The following LEKR1 variants were observed in gnomAD, a reference collection of about 807,000 sequenced individuals.
The protein encoded by LEKR1 is leucine, glutamate and lysine rich 1.
A neutral mutation model predicts 72.4 loss-of-function variants in LEKR1; 59 were observed. That is an observed-to-expected ratio of 0.82 (90% CI 0.66 to 1.01). The LOEUF (loss-of-function observed/expected upper bound fraction) is 1.01, where lower values mean the gene tolerates loss of function less well. LEKR1 is among the 50% of genes least tolerant of loss of function. The pLI, the probability that LEKR1 is intolerant of heterozygous loss-of-function variation, is 0.00. For synonymous variants in LEKR1, 257 were observed against 263.2 expected, an observed-to-expected ratio of 0.98 and a Z score of 0.23; for missense variants, 728 against 759.2, an observed-to-expected ratio of 0.96 and a Z score of 0.48.
intron 5 of LEKR1, among the ~76,000 whole-genome samples, chr3:156,935,170 T>C (rs1725582263): frequency 6.6e-6 from 1 of 152,202 alleles, no homozygotes; most frequent in Non-Finnish European, 1.5e-5. Context: ...TTTACCATTA[T>C]AGTATATCAC....
At chr3:156,849,076 A>G (rs930875151) in intron 2 of LEKR1, among the ~76,000 whole-genome samples, 1 of 152,136 alleles carries the variant, frequency 6.6e-6, no homozygotes, top group East Asian at 1.9e-4. Context: ...ATACAAAATC[A>G]ATGTGCAAAA....
At chr3:157,031,171 A>G (rs899858561) in intron 12 of LEKR1, among the ~76,000 whole-genome samples, 6 of 152,116 alleles carry the variant, frequency 3.9e-5, no homozygotes, top group African/African-American at 1.2e-4. Flanking sequence ...ACTAAAAGTG[A>G]AGAGTGGATT....
At chr3:156,947,024 A>G (rs552721558) in intron 6 of LEKR1, among the ~76,000 whole-genome samples, 4 of 149,224 alleles carry the variant, frequency 2.7e-5, no homozygotes, top group African/African-American at 9.8e-5. Flanking sequence ...TTTCTTTATT[A>G]GTTGGGTTAA....
intron 5 of LEKR1, among the ~76,000 whole-genome samples, chr3:156,936,426 A>AACACACACACACAC (rs561039357): frequency 1.4e-4 from 11 of 76,936 alleles, no homozygotes; most frequent in African/African-American, 7.4e-4. Context: ...GTACAATGAG[A>AACACACACACACAC]ACACACACAC....
At position 156,946,036 on chromosome 3, in the gene LEKR1, T is replaced by C. The variant is rs181729717; in HGVS notation, c.745+3322T>C. Among the ~76,000 whole-genome samples, 727 of 151,770 alleles carry C rather than the reference T, an allele frequency of 4.8e-3. 5 individuals carry two copies. Among genetic ancestry groups the C allele is most frequent in the Middle Eastern group, 0.041 (12 of 292 alleles). On this transcript the variant is annotated intron_variant, in intron 6 of 12. Coordinates refer to ENST00000356539, the MANE Select transcript of LEKR1 (RefSeq NM_001004316.3). ...ATTGCATTGTATCTGTAGATTGCTT[T>C]GGGTAGTATGGACATTTTAATAATA...
At chr3:156,856,418 C>G (rs961152433) in intron 3 of LEKR1, among the ~76,000 whole-genome samples, 2 of 152,120 alleles carry the variant, frequency 1.3e-5, no homozygotes, top group African/African-American at 4.8e-5. Context: ...GTTACCCTGG[C>G]TTTTTAGTAT....
At chr3:157,005,882 G>C (rs1162504417) in intron 9 of LEKR1, among the ~76,000 whole-genome samples, 2 of 151,754 alleles carry the variant, frequency 1.3e-5, no homozygotes, top group African/African-American at 4.8e-5. Context: ...CAAAAGACTT[G>C]AATAGACAAC....
intron 3 of LEKR1, among the ~76,000 whole-genome samples, chr3:156,912,274 T>G (rs1191086572): frequency 6.6e-6 from 1 of 152,172 alleles, no homozygotes; most frequent in East Asian, 1.9e-4. Context: ...ATGTAGTGTT[T>G]TATCCTGTGC....
At chr3:156,999,869 G>A (rs1389354846) in intron 9 of LEKR1, among the ~76,000 whole-genome samples, 1 of 152,164 alleles carries the variant, frequency 6.6e-6, no homozygotes, top group East Asian at 1.9e-4. Context: ...TAATTTAACT[G>A]AGGCTAAATT....
chr3:157,024,618 T>C (rs1023175300), intron 10 of LEKR1, 142 bp from the exon 11 acceptor site: 2 of 693,416 alleles, frequency 2.9e-6, no homozygotes, highest in East Asian at 3.0e-5. Context: ...GTCACACTTT[T>C]TTTTGAACAC....
chr3:157,023,004 T>C (rs1478421351), intron 10 of LEKR1, among the ~76,000 whole-genome samples: 1 of 152,182 alleles, frequency 6.6e-6, no homozygotes, highest in Non-Finnish European at 1.5e-5. Context: ...ACACTGGGGC[T>C]AGTCTTCCAT....
intron 10 of LEKR1, chr3:157,017,439 C>T (rs1733435231): frequency 6.6e-6 from 1 of 152,188 alleles, no homozygotes; most frequent in Non-Finnish European, 1.5e-5. Flanking sequence ...CCCATCCTCC[C>T]TTACTGCTCT....
intron 9 of LEKR1, among the ~76,000 whole-genome samples, chr3:157,006,566 A>G (rs569833524): frequency 3.5e-4 from 54 of 152,360 alleles, no homozygotes; most frequent in African/African-American, 1.1e-3. Context: ...TATTGAGAGC[A>G]GCTTAATTTC....
intron 3 of LEKR1, among the ~76,000 whole-genome samples, chr3:156,919,511 C>T (rs1177632280): frequency 6.6e-6 from 1 of 152,166 alleles, no homozygotes; most frequent in African/African-American, 2.4e-5. Context: ...TGAAGAAGCA[C>T]CTTCTTTTTA....
At chr3:156,995,920 G>C (rs1731523587) in intron 9 of LEKR1, among the ~76,000 whole-genome samples, 2 of 151,630 alleles carry the variant, frequency 1.3e-5, no homozygotes, top group Non-Finnish European at 2.9e-5. Context: ...CATAAGCGTT[G>C]CCTTCTTCTT....
intron 11 of LEKR1, among the ~76,000 whole-genome samples, chr3:157,027,647 C>T (rs1167874476): frequency 6.6e-6 from 1 of 152,190 alleles, no homozygotes; most frequent in East Asian, 1.9e-4. Context: ...GAGACACCAT[C>T]TCTACAAAAA....
At chr3:156,978,738 T>C (rs1425227265) in intron 6 of LEKR1, among the ~76,000 whole-genome samples, 1 of 152,144 alleles carries the variant, frequency 6.6e-6, no homozygotes, top group Non-Finnish European at 1.5e-5. Flanking sequence ...ACACGTTCTT[T>C]ACTATGAGCC....
intron 3 of LEKR1, among the ~76,000 whole-genome samples, chr3:156,909,671 A>AT (rs1722921165): frequency 6.6e-6 from 1 of 151,120 alleles, no homozygotes; most frequent in Non-Finnish European, 1.5e-5. Flanking sequence ...AAAAAAAAAA[A>AT]AGAAATCTTC....
intron 3 of LEKR1, among the ~76,000 whole-genome samples, chr3:156,854,291 A>T (rs1715761079): frequency 6.6e-6 from 1 of 151,786 alleles, no homozygotes; most frequent in African/African-American, 2.4e-5. Context: ...TTACAGCTAC[A>T]CACCACCATG....
Sources: allele counts gnomAD v4.1 joint callset (sites outside exome capture counted in the v4.1 genomes callset), GRCh38; gene constraint gnomAD v4.1.1; transcripts MANE v1.5; gene names NCBI Gene and HGNC (gene_info 2026-07-23, HGNC 2026-07-21).